TRIO: variants seen among roughly 807,000 people sequenced by gnomAD.
The protein encoded by TRIO is trio Rho guanine nucleotide exchange factor, also known as triple functional domain protein.
TRIO carries 58 observed loss-of-function variants against 351.9 expected under a neutral mutation model. The observed-to-expected ratio is 0.16, with a 90% CI of 0.13 to 0.21. The LOEUF is 0.21. TRIO is among the 10% of genes least tolerant of loss of function. The pLI, the probability that TRIO is intolerant of heterozygous loss-of-function variation, is 1.00. For missense variants in TRIO, 3,201 were observed against 4,027.8 expected (o/e 0.79, Z 5.56); for synonymous variants, 1,758 against 1,595.7 (o/e 1.10, Z -2.42).
At position 14,325,494 on chromosome 5, in the gene TRIO, G is replaced by A. The variant is rs531579733; in HGVS notation, c.1732-5284G>A. 6.6e-5 allele frequency among the ~76,000 whole-genome samples: 10 copies of A among 152,276 alleles called. 1 individual carries two copies. In the East Asian group the frequency reaches 1.9e-3, roughly 29 times the overall value. ...GGGCTCTTTTCAACAATGAGCTCTT[G>A]CAGGAGCTAAGAGTTAGACTCACTC... is the stretch of plus-strand genomic sequence containing the variant. On this transcript the variant is annotated intron_variant, in intron 9 of 56. Coordinates refer to ENST00000344204, the MANE Select transcript of TRIO (RefSeq NM_007118.4).
At chr5:14,386,666 CAG>C (rs1349906293) in intron 21 of TRIO, among the ~76,000 whole-genome samples, 2 of 152,142 alleles carry the variant, frequency 1.3e-5, no homozygotes, top group Admixed American at 1.3e-4. Flanking sequence ...GTTGAGAAGT[CAG>C]AGTTGAGTGA....
At chr5:14,450,599 A>T (rs1418710640) in intron 34 of TRIO, among the ~76,000 whole-genome samples, 1 of 152,178 alleles carries the variant, frequency 6.6e-6, no homozygotes, top group Non-Finnish European at 1.5e-5. Flanking sequence ...TGTTCAATTC[A>T]TATTTGAAAG....
At chr5:14,250,243 C>T (rs909506684) in intron 1 of TRIO, among the ~76,000 whole-genome samples, 3 of 152,158 alleles carry the variant, frequency 2.0e-5, no homozygotes. Flanking sequence ...GCCAGCATGC[C>T]GTCACTGTCT....
At chr5:14,293,225 G>C in intron 6 of TRIO, 91 bp downstream of exon 6, 1 of 1,565,418 alleles carries the variant, frequency 6.4e-7, no homozygotes, top group Non-Finnish European at 8.7e-7. Context: ...GGCTTTCAAG[G>C]GGCCTTCGGA....
intron 49 of TRIO, among the ~76,000 whole-genome samples, chr5:14,494,220 G>A (rs1307190674): frequency 2.6e-5 from 4 of 152,090 alleles, no homozygotes; most frequent in South Asian, 2.1e-4. Flanking sequence ...ACATGAAGCC[G>A]GTTTTGCTGC....
intron 18 of TRIO, among the ~76,000 whole-genome samples, chr5:14,371,231 G>A (rs1318525885): frequency 6.6e-6 from 1 of 152,128 alleles, no homozygotes; most frequent in African/African-American, 2.4e-5. Context: ...TTTGACTTAC[G>A]ATTTTTTTGA....
intron 33 of TRIO, among the ~76,000 whole-genome samples, chr5:14,418,163 G>T (rs757146353): frequency 6.6e-6 from 1 of 152,170 alleles, no homozygotes; most frequent in African/African-American, 2.4e-5. Context: ...TAGAGGGGAC[G>T]TGGGGGCTTT....
At chr5:14,362,537 G>A (rs1167885938) in intron 13 of TRIO, among the ~76,000 whole-genome samples, 2 of 152,146 alleles carry the variant, frequency 1.3e-5, no homozygotes, top group Non-Finnish European at 2.9e-5. Context: ...AACTAGATTG[G>A]TTGTCAAAGG....
At chr5:14,151,352 G>A (rs1320655072) in intron 1 of TRIO, among the ~76,000 whole-genome samples, 3 of 149,844 alleles carry the variant, frequency 2.0e-5, no homozygotes, top group Non-Finnish European at 4.4e-5. Flanking sequence ...GGGGTTTGTT[G>A]GTGCCTGTTT....
intron 34 of TRIO, among the ~76,000 whole-genome samples, chr5:14,449,744 C>G (rs993571726): frequency 3.9e-5 from 6 of 152,184 alleles, no homozygotes; most frequent in African/African-American, 1.4e-4. Flanking sequence ...TATCCACGAT[C>G]AGTAATTGGA....
In TRIO at chr5:14,504,586, T is replaced by A; in HGVS notation, c.8605T>A (p.Leu2869Ile). The change falls in exon 55 of 57, where the codon TTA becomes ATA. Residue 2869 changes from leucine (L) to isoleucine (I), a missense_variant. Physicochemically the swap from Leu to Ile is conservative, Grantham distance 5. This residue lies in a region of TRIO where 1,089 missense variants were observed against 954.9 expected (regional missense o/e 1.14). Transcript: ENST00000344204. Reference sequence around the variant, plus strand: ...GACCCCCACCAGCTACATCCTGGTCTTAGAAATGTGCGTACACACCTGGCC... The same window carrying A: ...GACCCCCACCAGCTACATCCTGGTCATAGAAATGTGCGTACACACCTGGCC... ...FETPTSYILV[L>I]EMADQGRLLD... is the part of the protein sequence containing the mutation. The A allele has an allele frequency of 6.2e-7, 1 of 1,614,070 alleles. No individual in the cohort carries two copies. Among genetic ancestry groups the A allele is most frequent in the Non-Finnish European group, 8.5e-7 (1 of 1,180,008 alleles).
At chr5:14,303,495 GT>G (rs1738095900) in intron 7 of TRIO, among the ~76,000 whole-genome samples, 1 of 151,144 alleles carries the variant, frequency 6.6e-6, no homozygotes, top group Admixed American at 6.6e-5. Context: ...GAGATGGAGG[GT>G]GGCAGTGGAG....
rs940507596 is a variant in TRIO at position 14,226,721 on chromosome 5, T to G, written c.158-44104T>G. Among the ~76,000 whole-genome samples, 7 of 152,378 alleles carry G rather than the reference T, an allele frequency of 4.6e-5. No individual in the cohort carries two copies. The East Asian group carries it at 9.6e-4, about 21-fold the overall frequency. Reference sequence around the variant, plus strand: ...TCTTCACTTATGTGACTAACCTGTTTAGTCAATTGCCTTGCTAACCCAGCA... The same window carrying G: ...TCTTCACTTATGTGACTAACCTGTTGAGTCAATTGCCTTGCTAACCCAGCA... On this transcript the variant is annotated intron_variant, in intron 1 of 56. Coordinates refer to ENST00000344204, the MANE Select transcript of TRIO (RefSeq NM_007118.4).
intron 1 of TRIO, among the ~76,000 whole-genome samples, chr5:14,187,481 C>G (rs547305640): frequency 6.6e-6 from 1 of 152,104 alleles, no homozygotes; most frequent in African/African-American, 2.4e-5. Context: ...CATGACATCT[C>G]CCCCATAATT....
chr5:14,300,999 A>AT (rs1737826919), intron 7 of TRIO, among the ~76,000 whole-genome samples: 1 of 152,076 alleles, frequency 6.6e-6, no homozygotes, highest in South Asian at 2.1e-4. Context: ...TGAGAGATGG[A>AT]TGGGAGTGCA....
At position 14,500,327 on chromosome 5, in the gene TRIO, G is replaced by A. The variant is rs369379400; in HGVS notation, c.8332+1687G>A. 2.6e-4 allele frequency among the ~76,000 whole-genome samples: 39 copies of A among 152,304 alleles called. No individual in the cohort carries two copies. In the East Asian group the frequency reaches 5.8e-3, roughly 23 times the overall value. Reference sequence around the variant, plus strand: ...CCTGAGGCTATTCCTGCACCCACAAGCTGTCTGGGGTGTGCGCCCTCATTC... The same window carrying A: ...CCTGAGGCTATTCCTGCACCCACAAACTGTCTGGGGTGTGCGCCCTCATTC... On this transcript the variant is annotated intron_variant, in intron 53 of 56. Coordinates refer to ENST00000344204, the MANE Select transcript of TRIO (RefSeq NM_007118.4).
chr5:14,441,464 G>A (rs1752039299), intron 34 of TRIO: 1 of 153,782 alleles, frequency 6.5e-6, no homozygotes, highest in Admixed American at 6.5e-5. Context: ...AAACAGAAAT[G>A]TTTTGTGCTT....
intron 39 of TRIO, among the ~76,000 whole-genome samples, chr5:14,473,247 G>A (rs929260914): frequency 6.6e-6 from 1 of 152,134 alleles, no homozygotes; most frequent in African/African-American, 2.4e-5. Context: ...CAGTCAATTC[G>A]GGGATTAGTG....
At chr5:14,252,653 T>G (rs1184631603) in intron 1 of TRIO, among the ~76,000 whole-genome samples, 3 of 152,250 alleles carry the variant, frequency 2.0e-5, no homozygotes, top group Non-Finnish European at 2.9e-5. Context: ...CTGACCTTTC[T>G]AGATCCGAAT....
Sources: allele counts gnomAD v4.1 joint callset (sites outside exome capture counted in the v4.1 genomes callset), GRCh38; gene constraint gnomAD v4.1.1; regional missense constraint gnomAD v4.1.1; transcripts MANE v1.5; gene names NCBI Gene and HGNC (gene_info 2026-07-23, HGNC 2026-07-21).